ACTR3B: variants seen among roughly 807,000 people sequenced by gnomAD.
ACTR3B encodes the protein actin related protein 3B, also known as actin-related protein 3B.
ACTR3B carries 8 observed loss-of-function variants against 59.0 expected under a neutral mutation model. The observed-to-expected ratio is 0.14, with a 90% CI of 0.08 to 0.24. ACTR3B has a LOEUF of 0.24. ACTR3B is among the 10% of genes least tolerant of loss of function. The pLI is 1.00. For synonymous variants in ACTR3B, 148 were observed against 197.9 expected, an observed-to-expected ratio of 0.75 and a Z score of 2.12; for missense variants, 245 against 552.3, an observed-to-expected ratio of 0.44 and a Z score of 5.58.
intron 2 of ACTR3B, among the ~76,000 whole-genome samples, chr7:152,797,086 A>G (rs2098220026): frequency 6.6e-6 from 1 of 151,514 alleles, no homozygotes; most frequent in African/African-American, 2.4e-5. Context: ...AATTAAAAAC[A>G]GTTTTTAAAA....
intron 1 of ACTR3B, among the ~76,000 whole-genome samples, chr7:152,771,803 C>T (rs1278255554): frequency 2.0e-5 from 3 of 152,204 alleles, no homozygotes; most frequent in African/African-American, 4.8e-5. Flanking sequence ...AGGCCGGGCA[C>T]GGTGGCTCGT....
intron 9 of ACTR3B, among the ~76,000 whole-genome samples, chr7:152,828,863 T>C (rs557677184): frequency 3.2e-4 from 48 of 152,196 alleles, no homozygotes; most frequent in African/African-American, 1.0e-3. Flanking sequence ...GCCCTGAAGA[T>C]GTGCTTTTGG....
At chr7:152,839,029 C>T (rs180916209) in intron 9 of ACTR3B, among the ~76,000 whole-genome samples, 3,287 of 149,616 alleles carry the variant, frequency 0.022, 42 homozygotes, top group Middle Eastern at 0.079. Flanking sequence ...GTTTGACTTG[C>T]GACCTGGCAG....
At chr7:152,806,514 T>TA (rs1282701149) in intron 4 of ACTR3B, among the ~76,000 whole-genome samples, 2 of 152,242 alleles carry the variant, frequency 1.3e-5, no homozygotes, top group East Asian at 3.8e-4. Flanking sequence ...CCAGTGCTGA[T>TA]ATGGCAGCTC....
chr7:152,788,073 C>G (rs1417344811), intron 2 of ACTR3B, among the ~76,000 whole-genome samples: 2 of 151,606 alleles, frequency 1.3e-5, no homozygotes, highest in African/African-American at 4.9e-5. Flanking sequence ...TACAGGCACC[C>G]ACCACCACGT....
intron 9 of ACTR3B, among the ~76,000 whole-genome samples, chr7:152,851,743 C>T (rs1286012880): frequency 6.6e-6 from 1 of 152,102 alleles, no homozygotes; most frequent in East Asian, 1.9e-4. Context: ...AGAAGACTTT[C>T]CCCCAGTGAT....
chr7:152,763,400 AGTTT>A (rs1046227852), intron 1 of ACTR3B, among the ~76,000 whole-genome samples: 4 of 144,940 alleles, frequency 2.8e-5, no homozygotes, highest in African/African-American at 1.0e-4. Flanking sequence ...TTCATCCATT[AGTTT>A]AAGTATCCAT....
intron 1 of ACTR3B, among the ~76,000 whole-genome samples, chr7:152,767,277 C>T (rs1251635604): frequency 6.6e-6 from 1 of 152,100 alleles, no homozygotes; most frequent in African/African-American, 2.4e-5. Context: ...GAGATGCTGC[C>T]TTTATCATAT....
chr7:152,829,057 T>C (rs73728859), intron 9 of ACTR3B, among the ~76,000 whole-genome samples: 24,437 of 144,396 alleles, frequency 0.17, 2,761 homozygotes, highest in African/African-American at 0.37. Context: ...TATATATATA[T>C]ACACACACAC....
At chr7:152,795,046 T>C (rs1451028197) in intron 2 of ACTR3B, among the ~76,000 whole-genome samples, 1 of 151,606 alleles carries the variant, frequency 6.6e-6, no homozygotes, top group East Asian at 1.9e-4. Context: ...CTTTTTTTTT[T>C]TTTTTTGAGA....
intron 1 of ACTR3B, among the ~76,000 whole-genome samples, chr7:152,775,373 T>C (rs1348914974): frequency 6.6e-6 from 1 of 152,012 alleles, no homozygotes; most frequent in Non-Finnish European, 1.5e-5. Context: ...TTTCATGACT[T>C]TGCAGAACTG....
Position 152,820,368 on chromosome 7 carries a change from A to G in ACTR3B, c.610A>G (p.Ile204Val). 1 of 1,609,926 alleles carries G rather than the reference A, an allele frequency of 6.2e-7. No homozygotes were observed. Among genetic ancestry groups the G allele is most frequent in the East Asian group, 2.2e-5 (1 of 44,796 alleles). Residue 204 changes from isoleucine (I) to valine (V), a missense_variant, in exon 7 of 12, where the codon ATT becomes GTT. Ile to Val is a conservative substitution (Grantham distance 29). This residue lies in a region of ACTR3B where 12 missense variants were observed against 68.7 expected (regional missense o/e 0.17). Transcript: ENST00000256001. ...TGCAGGTAGAGATATTACGTATTTCATTCAACAGCTGCTAAGGGAGAGGGA... is the reference window on the plus strand; with the variant it reads ...TGCAGGTAGAGATATTACGTATTTCGTTCAACAGCTGCTAAGGGAGAGGGA... ...PIAGRDITYF[I>V]QQLLREREVG...
intron 9 of ACTR3B, among the ~76,000 whole-genome samples, chr7:152,835,493 T>TA (rs941884676): frequency 2.0e-5 from 3 of 152,218 alleles, no homozygotes; most frequent in African/African-American, 4.8e-5. Flanking sequence ...GCATTATGTC[T>TA]AAAAAACCAG....
At chr7:152,814,408 C>T (rs1795515964) in intron 4 of ACTR3B, 142 bp from the exon 5 acceptor site, 3 of 584,952 alleles carry the variant, frequency 5.1e-6, no homozygotes, top group Admixed American at 4.0e-5. Context: ...TTCTTTAATA[C>T]ACTTTGGGCA....
At chr7:152,826,237 A>G (rs1457797129) in intron 9 of ACTR3B, among the ~76,000 whole-genome samples, 3 of 152,224 alleles carry the variant, frequency 2.0e-5, no homozygotes, top group Non-Finnish European at 4.4e-5. Flanking sequence ...TAAGTGAAAA[A>G]GGAACTTGTA....
At chr7:152,789,014 G>T (rs532955319) in intron 2 of ACTR3B, among the ~76,000 whole-genome samples, 1,607 of 142,834 alleles carry the variant, frequency 0.011, 11 homozygotes, top group South Asian at 0.037. Flanking sequence ...AGAACCAGAC[G>T]CTGTCTCAAA....
chr7:152,765,878 C>T (rs1477230584), intron 1 of ACTR3B, among the ~76,000 whole-genome samples: 2 of 152,078 alleles, frequency 1.3e-5, no homozygotes, highest in African/African-American at 4.8e-5. Flanking sequence ...CGTGCTGTGT[C>T]ATCCCATGGC....
At chr7:152,836,149 G>GA (rs1282085871) in intron 9 of ACTR3B, among the ~76,000 whole-genome samples, 1 of 151,614 alleles carries the variant, frequency 6.6e-6, no homozygotes, top group Non-Finnish European at 1.5e-5. Context: ...GGTGAGACCT[G>GA]AGGGGCCTTT....
Position 152,759,831 on chromosome 7 carries a change from C to A in ACTR3B, c.-52C>A, listed in dbSNP as rs983528482. ...GGCTAGCGGGCGGCGGAGCGGACGG[C>A]GACGGGGCGCTCTCGGGCTGCCGGC... On this transcript the variant is annotated 5_prime_UTR_variant, in exon 1 of 12. Coordinates refer to ENST00000256001, the MANE Select transcript of ACTR3B (RefSeq NM_020445.6). The A allele has an allele frequency of 1.7e-6, 2 of 1,200,676 alleles. No individual in the cohort carries two copies. The highest frequency in any genetic ancestry group is 4.3e-5 in the Admixed American group (1 of 22,994). 74.4% of individuals were successfully genotyped at this position (1,200,676 alleles called of 1,614,324 possible).
Sources: allele counts gnomAD v4.1 joint callset (sites outside exome capture counted in the v4.1 genomes callset), GRCh38; gene constraint gnomAD v4.1.1; regional missense constraint gnomAD v4.1.1; transcripts MANE v1.5; gene names NCBI Gene and HGNC (gene_info 2026-07-23, HGNC 2026-07-21).